ABCA10: variants seen among roughly 807,000 people sequenced by gnomAD.
ABCA10 encodes the protein ATP-binding cassette sub-family A member 10.
ABCA10 carries 169 observed loss-of-function variants against 187.5 expected under a neutral mutation model. The ratio of observed to expected loss-of-function variants is 0.90; its 90% confidence interval spans 0.80 to 1.02. ABCA10 has a LOEUF of 1.02. Among genes scored for constraint, ABCA10 ranks in the 50% least tolerant of loss-of-function variants. The pLI is 0.00. For synonymous variants in ABCA10, 574 were observed against 601.8 expected, an observed-to-expected ratio of 0.95 and a Z score of 0.68; for missense variants, 1,727 against 1,812.4, an observed-to-expected ratio of 0.95 and a Z score of 0.86.
In ABCA10 at chr17:69,184,118, G is replaced by A. The variant is rs549718044; in HGVS notation, c.2498-1310C>T. On this transcript the variant is annotated intron_variant, in intron 20 of 38. Transcript: ENST00000690296. ...CCCCTACTTCCCTAGCGACCTGTAC[G>A]ATGCAGCAGAAGCAGCCATAATCTC... Among the ~76,000 whole-genome samples, 12 of 152,202 alleles carry A rather than the reference G, an allele frequency of 7.9e-5. No individual in the cohort carries two copies. In the South Asian group the frequency reaches 1.2e-3, roughly 16 times the overall value.
chr17:69,237,848 C>G (rs928491518), intron 1 of ABCA10, among the ~76,000 whole-genome samples: 4 of 152,068 alleles, frequency 2.6e-5, no homozygotes, highest in Admixed American at 1.3e-4. Flanking sequence ...TAAGCATCTG[C>G]AAGCTAAGGA....
chr17:69,184,896 C>CAT (rs1196801753), intron 20 of ABCA10, among the ~76,000 whole-genome samples: 3 of 142,766 alleles, frequency 2.1e-5, no homozygotes, highest in Admixed American at 7.1e-5. Context: ...CACACACATA[C>CAT]ATATATATAA....
chr17:69,226,641 G>C (rs1399582033), intron 2 of ABCA10, among the ~76,000 whole-genome samples: 1 of 151,910 alleles, frequency 6.6e-6, no homozygotes, highest in Non-Finnish European at 1.5e-5. Flanking sequence ...AAAAAGCACG[G>C]CTTTGAAGAG....
At chr17:69,176,932 T>C (rs8068746) in intron 22 of ABCA10, among the ~76,000 whole-genome samples, 151,705 of 152,190 alleles carry the variant, frequency 1, 75,614 homozygotes, top group East Asian at 1. Context: ...ATACCTTTTT[T>C]CTCCTTTATA....
intron 22 of ABCA10, among the ~76,000 whole-genome samples, chr17:69,177,588 G>T (rs1023069477): frequency 6.6e-6 from 1 of 152,022 alleles, no homozygotes; most frequent in African/African-American, 2.4e-5. Context: ...GTCCAATTAC[G>T]TTCCTTAGTA....
Position 69,174,698 on chromosome 17 carries a change from G to A in ABCA10, c.2957C>T (p.Pro986Leu), listed in dbSNP as rs2074321628. ...TGAAAAGAGAATCAAGAAGTATAAT[G>A]GAATGTCCACCAGAGCCTGTCCACA... ...YWCGQALVDI[P>L]LYFLILFSIH... Residue 986 changes from proline to leucine, a missense_variant, in exon 24 of 39, where the codon CCA (proline) becomes CTA (leucine). Physicochemically the swap from Pro to Leu is moderately conservative, Grantham distance 98. Coordinates refer to ENST00000690296, the MANE Select transcript of ABCA10 (RefSeq NM_001377321.1). The A allele has an allele frequency of 1.2e-6, 2 of 1,612,306 alleles. No individual in the cohort carries two copies. The highest frequency in any genetic ancestry group is 1.7e-6 in the Non-Finnish European group (2 of 1,178,730).
rs190161559 is a variant in ABCA10 at position 69,182,642 on chromosome 17, C to A, written c.2631+33G>T. On this transcript the variant is annotated intron_variant, in intron 21 of 38. Transcript: ENST00000690296. Reference sequence around the variant, plus strand: ...ACGTGGCAAAAAAAACAAAAAAAAACCAAAAAAAAACAGTGCATAGAAGCA... The same window carrying A: ...ACGTGGCAAAAAAAACAAAAAAAAAACAAAAAAAAACAGTGCATAGAAGCA... 3.2e-3 allele frequency: 4,866 copies of A among 1,522,294 alleles called. 34 individuals are homozygous for A. Among genetic ancestry groups the A allele is most frequent in the African/African-American group, 0.019 (1,337 of 70,764 alleles). The allele number at this position is 1,522,294 out of a possible 1,614,324, so 94.3% of individuals were successfully genotyped here.
At chr17:69,221,623 T>C (rs779634471) in intron 5 of ABCA10, among the ~76,000 whole-genome samples, 169 bp downstream of exon 5, 2 of 152,158 alleles carry the variant, frequency 1.3e-5, no homozygotes, top group Non-Finnish European at 2.9e-5. Context: ...TTACAGGGTT[T>C]ATGTTAGAAG....
intron 9 of ABCA10, among the ~76,000 whole-genome samples, chr17:69,205,656 T>C (rs2074586003): frequency 6.6e-6 from 1 of 152,232 alleles, no homozygotes; most frequent in Non-Finnish European, 1.5e-5. Context: ...AAGATGTGTG[T>C]TCTGGACTAA....
At chr17:69,200,133 G>A (rs1452144923) in intron 10 of ABCA10, among the ~76,000 whole-genome samples, 1 of 152,080 alleles carries the variant, frequency 6.6e-6, no homozygotes, top group Non-Finnish European at 1.5e-5. Flanking sequence ...TCAAAATAAC[G>A]TGAACTGAGA....
upstream of ABCA10, among the ~76,000 whole-genome samples, chr17:69,230,174 A>G (rs1306091113): frequency 6.6e-6 from 1 of 151,874 alleles, no homozygotes; most frequent in East Asian, 1.9e-4. Flanking sequence ...TCACCTTTCC[A>G]CTGTGGGATG....
chr17:69,223,681 G>T, intron 3 of ABCA10: 1 of 450,834 alleles, frequency 2.2e-6, no homozygotes, highest in Non-Finnish European at 4.4e-6. Flanking sequence ...AAACTTTTAT[G>T]AGGACAGTGC....
At position 69,154,053 on chromosome 17, in the gene ABCA10, C is replaced by G; in HGVS notation, c.3787-44G>C. 3 of 1,592,356 alleles carry G rather than the reference C, an allele frequency of 1.9e-6. No homozygotes were observed. The South Asian group carries it at 3.4e-5, about 18-fold the overall frequency. On this transcript the variant is annotated intron_variant, in intron 31 of 38. Coordinates refer to ENST00000690296, the MANE Select transcript of ABCA10 (RefSeq NM_001377321.1). ...GTCAGATTCACCTTTGGTTTTTGCT[C>G]CAATCCCCCTTCTACTAAAGGAGAT...
At chr17:69,174,876 T>C (rs779380474) in intron 23 of ABCA10, 99 bp from the exon 24 acceptor site, 36 of 1,063,362 alleles carry the variant, frequency 3.4e-5, no homozygotes, top group Non-Finnish European at 4.4e-5. Context: ...AAATAGTATG[T>C]TATAGTGTCT....
At chr17:69,151,376 G>T (rs765382697) in intron 36 of ABCA10, among the ~76,000 whole-genome samples, 1 of 152,044 alleles carries the variant, frequency 6.6e-6, no homozygotes, top group Non-Finnish European at 1.5e-5. Context: ...GAAGAACCTT[G>T]TCTATTTTGT....
In ABCA10 at chr17:69,222,717, T is replaced by C; in HGVS notation, c.35-20A>G. ...TTCTTCCTACCATGTATGAAAAACA[T>C]AAATAAATAATCATGTAAACTTATT... On this transcript the variant is annotated intron_variant, in intron 3 of 38. Coordinates refer to ENST00000690296, the MANE Select transcript of ABCA10 (RefSeq NM_001377321.1). The C allele has an allele frequency of 1.3e-6, 2 of 1,541,664 alleles. No homozygotes were observed. The highest frequency in any genetic ancestry group is 1.7e-6 in the Non-Finnish European group (2 of 1,155,350).
intron 1 of ABCA10, among the ~76,000 whole-genome samples, chr17:69,239,052 T>C (rs2074888845): frequency 6.6e-6 from 1 of 152,100 alleles, no homozygotes; most frequent in Non-Finnish European, 1.5e-5. Context: ...GAAAACAAAT[T>C]TTATTTGGTA....
At chr17:69,149,867 G>A in intron 37 of ABCA10, 117 bp downstream of exon 37, 1 of 771,608 alleles carries the variant, frequency 1.3e-6, no homozygotes, top group South Asian at 2.0e-5. Flanking sequence ...TCCTGGTAGG[G>A]ATTTTTCAAG....
chr17:69,196,723 A>G (rs1484511441), intron 11 of ABCA10, among the ~76,000 whole-genome samples: 1 of 152,200 alleles, frequency 6.6e-6, no homozygotes, highest in African/African-American at 2.4e-5. Flanking sequence ...CCTGGGCAAC[A>G]CTGAGCACTG....
Sources: allele counts gnomAD v4.1 joint callset (sites outside exome capture counted in the v4.1 genomes callset), GRCh38; gene constraint gnomAD v4.1.1; transcripts MANE v1.5; gene names NCBI Gene and HGNC (gene_info 2026-07-23, HGNC 2026-07-21).